LRRC7: variants seen among roughly 807,000 people sequenced by gnomAD.
LRRC7 encodes leucine-rich repeat-containing protein 7.
In LRRC7, 23 loss-of-function variants were observed where a neutral mutation model predicts 175.7. The observed-to-expected ratio is 0.13, with a 90% CI of 0.09 to 0.19. The LOEUF is 0.19. Among genes scored for constraint, LRRC7 ranks in the 10% least tolerant of loss-of-function variants. LRRC7 has a pLI of 1.00. For missense variants in LRRC7, 1,354 were observed against 1,904.7 expected, an observed-to-expected ratio of 0.71 and a Z score of 5.38; for synonymous variants, 685 against 680.9, an observed-to-expected ratio of 1.01 and a Z score of -0.09.
intron 7 of LRRC7, among the ~76,000 whole-genome samples, chr1:69,922,123 A>G (rs1026484342): frequency 2.6e-5 from 4 of 151,990 alleles, no homozygotes; most frequent in Non-Finnish European, 5.9e-5. Flanking sequence ...CGGGGGTTTC[A>G]CCATGTTGGC....
chr1:69,888,790 G>A (rs767145600), intron 7 of LRRC7, among the ~76,000 whole-genome samples: 14 of 152,244 alleles, frequency 9.2e-5, no homozygotes, highest in Non-Finnish European at 2.1e-4. Flanking sequence ...GGAAGATGGG[G>A]AGATGTAGCC....
At position 70,136,241 on chromosome 1, in the gene LRRC7, G is replaced by GT. The variant is rs2102279922; in HGVS notation, c.*14355dup. 6.6e-6 allele frequency among the ~76,000 whole-genome samples: 1 copy of GT among 151,462 alleles called. No individual in the cohort carries two copies. Among genetic ancestry groups the GT allele is most frequent in the East Asian group, 1.9e-4 (1 of 5,148 alleles). On this transcript the variant is annotated 3_prime_UTR_variant, in exon 27 of 27. Transcript: ENST00000651989. ...GGACTATATTTTCTTCTTTTGCTTGGTCTTGCCATAAATATGCCCCGCAGG... is the reference window on the plus strand; with the variant it reads ...GGACTATATTTTCTTCTTTTGCTTGGTTCTTGCCATAAATATGCCCCGCAGG...
chr1:69,927,937 T>C (rs924879901), intron 7 of LRRC7, among the ~76,000 whole-genome samples: 1 of 152,056 alleles, frequency 6.6e-6, no homozygotes, highest in African/African-American at 2.4e-5. Flanking sequence ...ATCTTTGTGG[T>C]TTTATCTACT....
intron 2 of LRRC7, among the ~76,000 whole-genome samples, chr1:69,694,530 G>T (rs939531809): frequency 3.9e-5 from 6 of 151,966 alleles, no homozygotes; most frequent in African/African-American, 1.5e-4. Context: ...ACAATTTTTT[G>T]ACCTGGTGAT....
At chr1:69,743,269 A>G (rs1668902435) in intron 2 of LRRC7, among the ~76,000 whole-genome samples, 1 of 152,052 alleles carries the variant, frequency 6.6e-6, no homozygotes, top group Non-Finnish European at 1.5e-5. Flanking sequence ...AAGTGCTCTA[A>G]GAGCAAAAGA....
At chr1:69,905,695 G>A (rs535408007) in intron 7 of LRRC7, among the ~76,000 whole-genome samples, 2 of 152,232 alleles carry the variant, frequency 1.3e-5, no homozygotes, top group Admixed American at 1.3e-4. Flanking sequence ...CTTTGCTATT[G>A]TGAATAGTGC....
chr1:70,079,022 T>C (rs1326564939), intron 24 of LRRC7, among the ~76,000 whole-genome samples: 1 of 152,186 alleles, frequency 6.6e-6, no homozygotes, highest in South Asian at 2.1e-4. Context: ...GGTTATATAT[T>C]TCACTCTCAT....
intron 3 of LRRC7, among the ~76,000 whole-genome samples, chr1:69,788,702 T>C (rs2101050993): frequency 6.6e-6 from 1 of 152,268 alleles, no homozygotes; most frequent in Non-Finnish European, 1.5e-5. Flanking sequence ...TCGTGTCCAT[T>C]TTTTCACACC....
intron 7 of LRRC7, among the ~76,000 whole-genome samples, chr1:69,879,224 A>AAAG: frequency 7.4e-6 from 1 of 135,422 alleles, no homozygotes; most frequent in Non-Finnish European, 1.7e-5. Context: ...AAAAAAAAAA[A>AAAG]AAAAAAAAAA....
At chr1:69,992,153 A>G (rs1286091243) in intron 10 of LRRC7, among the ~76,000 whole-genome samples, 1 of 152,132 alleles carries the variant, frequency 6.6e-6, no homozygotes, top group Non-Finnish European at 1.5e-5. Flanking sequence ...TACCTGACAT[A>G]TAGTAAACAG....
chr1:69,680,237 C>T (rs1454082672), intron 2 of LRRC7, among the ~76,000 whole-genome samples: 1 of 152,054 alleles, frequency 6.6e-6, no homozygotes, highest in Non-Finnish European at 1.5e-5. Context: ...AGAAGCTCTG[C>T]AGGAGATTCT....
At position 69,857,130 on chromosome 1, in the gene LRRC7, A is replaced by G. The variant is rs190699260; in HGVS notation, c.647+18847A>G. On this transcript the variant is annotated intron_variant, in intron 7 of 26. Coordinates refer to ENST00000651989, the MANE Select transcript of LRRC7 (RefSeq NM_001370785.2). ...GATATATCTCAAAATAATAAGAGCT[A>G]TTTATGACAAACCCACAGCCAATAA... Among the ~76,000 whole-genome samples the G allele has an allele frequency of 4.1e-3, 630 of 152,316 alleles. 5 individuals carry two copies. The highest frequency in any genetic ancestry group is 0.014 in the African/African-American group (572 of 41,568).
At chr1:69,890,311 A>G (rs189878639) in intron 7 of LRRC7, among the ~76,000 whole-genome samples, 1 of 152,226 alleles carries the variant, frequency 6.6e-6, no homozygotes, top group African/African-American at 2.4e-5. Flanking sequence ...CTAATCTTGT[A>G]AATCTCCTTG....
At chr1:70,064,071 T>C (rs930994042) in intron 23 of LRRC7, among the ~76,000 whole-genome samples, 2 of 151,998 alleles carry the variant, frequency 1.3e-5, no homozygotes, top group African/African-American at 4.8e-5. Flanking sequence ...TCAGCAAATA[T>C]TTTGAATGCC....
chr1:70,121,770 G>A lies in LRRC7; in HGVS notation c.4621-10G>A, dbSNP rs1666223458. On this transcript the variant is annotated splice_polypyrimidine_tract_variant and intron_variant, in intron 26 of 26. Coordinates refer to ENST00000651989, the MANE Select transcript of LRRC7 (RefSeq NM_001370785.2). ...ACATTGATTGCCCTGTTTTATTTGTGTATTTACAGGCAAATGGACACAGTT... is the reference window on the plus strand; with the variant it reads ...ACATTGATTGCCCTGTTTTATTTGTATATTTACAGGCAAATGGACACAGTT... 1 of 1,552,624 alleles carries A rather than the reference G, an allele frequency of 6.4e-7. No homozygotes were observed. Among genetic ancestry groups the A allele is most frequent in the Non-Finnish European group, 8.9e-7 (1 of 1,128,146 alleles).
In LRRC7 at chr1:70,002,350, G is replaced by A. The variant is rs560538525; in HGVS notation, c.1004+7717G>A. ...TGAGATGTGAAGTGACTTGCCAAAG[G>A]TCATTAATAGCTATGACATAAAAGC... On this transcript the variant is annotated intron_variant, in intron 11 of 26. Transcript: ENST00000651989. Among the ~76,000 whole-genome samples the A allele has an allele frequency of 2.6e-4, 39 of 152,256 alleles. No homozygotes were observed. The South Asian group carries it at 5.2e-3, about 20-fold the overall frequency.
intron 8 of LRRC7, among the ~76,000 whole-genome samples, chr1:69,968,434 T>C (rs1296976071): frequency 1.3e-5 from 2 of 152,180 alleles, no homozygotes; most frequent in East Asian, 3.9e-4. Context: ...GACATCTGAA[T>C]ACAAGAAGCT....
intron 22 of LRRC7, among the ~76,000 whole-genome samples, chr1:70,047,396 G>C (rs1011520918): frequency 2.0e-5 from 3 of 152,092 alleles, no homozygotes; most frequent in Non-Finnish European, 4.4e-5. Flanking sequence ...GCTGCTCTCC[G>C]AAGGAAACAT....
chr1:69,968,887 C>G (rs1651933776), intron 8 of LRRC7, among the ~76,000 whole-genome samples: 1 of 151,716 alleles, frequency 6.6e-6, no homozygotes, highest in South Asian at 2.1e-4. Context: ...GGCGCAATCT[C>G]AGCTCACTGC....
Sources: allele counts gnomAD v4.1 joint callset (sites outside exome capture counted in the v4.1 genomes callset), GRCh38; gene constraint gnomAD v4.1.1; transcripts MANE v1.5; gene names NCBI Gene and HGNC (gene_info 2026-07-23, HGNC 2026-07-21).